Variants in PIEZO2 observed in about 807,000 individuals in gnomAD.
PIEZO2 encodes piezo type mechanosensitive ion channel component 2, also known as piezo-type mechanosensitive ion channel component 2.
Under a neutral mutation model 337.3 loss-of-function variants are expected in PIEZO2, and 172 were observed. The observed-to-expected ratio is 0.51, with a 90% CI of 0.45 to 0.58. The LOEUF is 0.58. Ranked by LOEUF, PIEZO2 falls within the 20% of genes least tolerant of loss-of-function variation. The pLI is 0.00. For missense variants in PIEZO2, 3,028 were observed against 3,391.3 expected, an observed-to-expected ratio of 0.89 and a Z score of 2.66; for synonymous variants, 1,251 against 1,228.5, an observed-to-expected ratio of 1.02 and a Z score of -0.38.
chr18:10,820,505 T>A (rs2040490776), intron 7 of PIEZO2, among the ~76,000 whole-genome samples: 1 of 152,170 alleles, frequency 6.6e-6, no homozygotes, highest in Non-Finnish European at 1.5e-5. Flanking sequence ...AGCTCCTCAG[T>A]TTCATTTGTT....
chr18:10,841,459 T>A (rs1397460711), intron 7 of PIEZO2, among the ~76,000 whole-genome samples: 1 of 152,080 alleles, frequency 6.6e-6, no homozygotes, highest in Non-Finnish European at 1.5e-5. Flanking sequence ...AAGTGACTCA[T>A]CATGTACAAG....
intron 2 of PIEZO2, among the ~76,000 whole-genome samples, chr18:11,040,319 G>T (rs1013487186): frequency 2.0e-5 from 3 of 152,050 alleles, no homozygotes; most frequent in African/African-American, 7.2e-5. Context: ...TGAACTCCTT[G>T]AGTTTAGAGA....
intron 2 of PIEZO2, among the ~76,000 whole-genome samples, chr18:11,010,814 T>C (rs776392800): frequency 2.0e-5 from 3 of 152,242 alleles, no homozygotes; most frequent in Non-Finnish European, 2.9e-5. Context: ...CATATTTACA[T>C]ATTTAGCCCA....
At chr18:10,997,817 T>C (rs948195343) in intron 2 of PIEZO2, among the ~76,000 whole-genome samples, 3 of 150,838 alleles carry the variant, frequency 2.0e-5, no homozygotes, top group African/African-American at 7.3e-5. Context: ...ATTAGAGTTA[T>C]CAAAGGAGAG....
At position 10,748,508 on chromosome 18, in the gene PIEZO2, C is replaced by T. The variant is rs770850109; in HGVS notation, c.4387G>A (p.Val1463Met). The change falls in exon 30 of 56, where the codon GTG (valine) becomes ATG (methionine). Residue 1463 changes from valine to methionine, a missense_variant. Coordinates refer to ENST00000674853, the MANE Select transcript of PIEZO2 (RefSeq NM_001378183.1). The surrounding 1 kb of genome is among the most constrained non-coding windows in gnomAD (Gnocchi z 5.1). ...ATCTGGGAAGCTTTTATATCAGCCACAACATGTAGAAAATAATAACTCATG... is the reference window on the plus strand; with the variant it reads ...ATCTGGGAAGCTTTTATATCAGCCATAACATGTAGAAAATAATAACTCATG... Reference protein sequence around the residue: ...VFMSYYFLHVVADIKASQILA... With the variant: ...VFMSYYFLHVMADIKASQILA... 5.3e-5 allele frequency: 82 copies of T among 1,536,984 alleles called. No homozygotes were observed. The highest frequency in any genetic ancestry group is 6.5e-5 in the Non-Finnish European group (74 of 1,146,876).
At chr18:10,779,707 T>C (rs1306510284) in intron 18 of PIEZO2, among the ~76,000 whole-genome samples, 1 of 152,222 alleles carries the variant, frequency 6.6e-6, no homozygotes, top group East Asian at 1.9e-4. Flanking sequence ...TCTTTTCATT[T>C]AGGAAATAGC....
Position 10,673,741 on chromosome 18 carries a change from C to A in PIEZO2, c.8162-868G>T, listed in dbSNP as rs2033878100. ...TTCCCCTGAGAAACATGGTGGTGAA[C>A]TATAAACTAAACTGTGTGAAGGTGG... is the stretch of plus-strand genomic sequence containing the variant. On this transcript the variant is annotated intron_variant, in intron 54 of 55. Transcript: ENST00000674853. The surrounding 1 kb of genome is among the most constrained non-coding windows in gnomAD (Gnocchi z 4.8). Among the ~76,000 whole-genome samples the A allele has an allele frequency of 6.6e-6, 1 of 152,084 alleles. No homozygotes were observed. Among genetic ancestry groups the A allele is most frequent in the East Asian group, 1.9e-4 (1 of 5,190 alleles).
chr18:11,137,921 G>A (rs910048973), intron 1 of PIEZO2, among the ~76,000 whole-genome samples: 3 of 152,160 alleles, frequency 2.0e-5, no homozygotes, highest in African/African-American at 4.8e-5. Context: ...TGTGACTTAA[G>A]TTTTACCATT....
rs749116620 is a variant in PIEZO2 at position 10,868,931 on chromosome 18, C to A, written c.492+2322G>T. 5.5e-4 allele frequency among the ~76,000 whole-genome samples: 83 copies of A among 152,150 alleles called. 1 individual carries two copies. The highest frequency in any genetic ancestry group is 1.3e-4 in the Non-Finnish European group (9 of 68,020). ...TTTATAAGAAGCTTTGTAAATCTTT[C>A]ATGGTTATCTGTTATGAATGGCACA... On this transcript the variant is annotated intron_variant, in intron 5 of 55. Transcript: ENST00000674853.
At position 10,945,713 on chromosome 18, in the gene PIEZO2, A is replaced by G. The variant is rs1198033863; in HGVS notation, c.286+33822T>C. On this transcript the variant is annotated intron_variant, in intron 3 of 55. Coordinates refer to ENST00000674853, the MANE Select transcript of PIEZO2 (RefSeq NM_001378183.1). The surrounding 1 kb of genome is among the most constrained non-coding windows in gnomAD (Gnocchi z 4.0). ...TAATCAGCAGAAAAAATCAATCAAA[A>G]TCTTCCCAGAACTGCCAAAGGTGTT... Among the ~76,000 whole-genome samples, 2 of 152,228 alleles carry G rather than the reference A, an allele frequency of 1.3e-5. No individual in the cohort carries two copies. The highest frequency in any genetic ancestry group is 4.8e-5 in the African/African-American group (2 of 41,460).
chr18:10,946,490 A>G (rs458574), intron 3 of PIEZO2, among the ~76,000 whole-genome samples: 89,890 of 151,984 alleles, frequency 0.59, 27,182 homozygotes, highest in African/African-American at 0.69. Context: ...CCTGGTGTTA[A>G]CAGGGTTGAG....
intron 3 of PIEZO2, among the ~76,000 whole-genome samples, chr18:10,922,333 C>T (rs940518746): frequency 3.3e-5 from 5 of 151,996 alleles, no homozygotes; most frequent in South Asian, 2.1e-4. Context: ...ATGTGACTGT[C>T]GGGGCAGATT....
chr18:10,955,980 C>T (rs2033504328), intron 3 of PIEZO2, among the ~76,000 whole-genome samples: 1 of 152,146 alleles, frequency 6.6e-6, no homozygotes, highest in African/African-American at 2.4e-5. Flanking sequence ...CTGTGCTTTT[C>T]CTAAATCTTT....
In PIEZO2 at chr18:10,821,665, A is replaced by G. The variant is rs2040524177; in HGVS notation, c.918-14391T>C. ...TGGAACCAGGAAATATGAGTCAAGT[A>G]TCACCCCCACCCACCACCACCTTTT... On this transcript the variant is annotated intron_variant, in intron 7 of 55. Transcript: ENST00000674853. The surrounding 1 kb of genome is among the most constrained non-coding windows in gnomAD (Gnocchi z 4.2). Among the ~76,000 whole-genome samples the G allele has an allele frequency of 6.6e-6, 1 of 152,242 alleles. No individual in the cohort carries two copies. The highest frequency in any genetic ancestry group is 1.9e-4 in the East Asian group (1 of 5,182).
chr18:10,717,391 G>C (rs1038386682), intron 37 of PIEZO2, among the ~76,000 whole-genome samples: 1 of 152,126 alleles, frequency 6.6e-6, no homozygotes, highest in Non-Finnish European at 1.5e-5. Context: ...GTCTCCTTTC[G>C]TGCCAGCAGA....
chr18:10,761,157 T>G, intron 23 of PIEZO2, 46 bp from the exon 24 acceptor site: 1 of 1,488,930 alleles, frequency 6.7e-7, no homozygotes, highest in Non-Finnish European at 9.1e-7. Flanking sequence ...GGCTTTATGA[T>G]TTGGTAATTT....
intron 4 of PIEZO2, among the ~76,000 whole-genome samples, chr18:10,880,112 A>G (rs2042373699): frequency 1.3e-5 from 2 of 152,194 alleles, no homozygotes; most frequent in South Asian, 4.1e-4. Context: ...TTAATACTTC[A>G]GACTGTTTTT....
chr18:10,721,610 C>T (rs2036314149), intron 36 of PIEZO2, among the ~76,000 whole-genome samples: 1 of 151,796 alleles, frequency 6.6e-6, no homozygotes, highest in Non-Finnish European at 1.5e-5. Context: ...GAGTTTGCCT[C>T]ACTAAAAATT....
chr18:10,762,739 C>T, intron 22 of PIEZO2, 114 bp from the exon 23 acceptor site: 1 of 1,368,828 alleles, frequency 7.3e-7, no homozygotes, highest in Non-Finnish European at 9.8e-7. Context: ...GAGGGACAGG[C>T]CCATTTCAGG....
Sources: gnomAD v4.1 joint callset for allele counts (sites outside exome capture counted in the v4.1 genomes callset) on GRCh38, gnomAD v4.1.1 for gene constraint, Gnocchi (gnomAD v3.1) non-coding constraint, MANE v1.5 for transcripts, NCBI Gene and HGNC (gene_info 2026-07-23, HGNC 2026-07-21) for gene names.